The following RTKN2 variants were observed in gnomAD, a reference collection of about 807,000 sequenced individuals.
RTKN2 encodes the protein rhotekin-2.
In RTKN2, 69 loss-of-function variants were observed where a neutral mutation model predicts 71.5. The observed-to-expected ratio is 0.96, with a 90% confidence interval of 0.79 to 1.18. RTKN2 has a LOEUF of 1.18. Ranked by LOEUF, RTKN2 falls within the 50% of genes most tolerant of loss-of-function variation. The pLI is 0.00. For missense variants in RTKN2, 724 were observed against 719.7 expected, an observed-to-expected ratio of 1.01 and a Z score of -0.07; for synonymous variants, 236 against 236.5, an observed-to-expected ratio of 1.00 and a Z score of 0.02.
intron 6 of RTKN2, among the ~76,000 whole-genome samples, chr10:62,231,015 C>T (rs4979779): frequency 0.89 from 135,643 of 152,190 alleles, 60,563 homozygotes; most frequent in East Asian, 0.99. Context: ...CAAACTGTAT[C>T]ATCTGTCACA....
chr10:62,213,939 T>C (rs1841714683), intron 9 of RTKN2, among the ~76,000 whole-genome samples: 1 of 151,994 alleles, frequency 6.6e-6, no homozygotes, highest in East Asian at 1.9e-4. Flanking sequence ...TTGACTGGGA[T>C]AGTGCTTGAT....
At chr10:62,232,896 T>A (rs1380455682) in intron 6 of RTKN2, among the ~76,000 whole-genome samples, 2 of 149,932 alleles carry the variant, frequency 1.3e-5, no homozygotes, top group South Asian at 2.1e-4. Context: ...TTATGTATTA[T>A]TATTACAGAA....
chr10:62,222,233 T>C (rs1417302500), intron 7 of RTKN2, among the ~76,000 whole-genome samples: 3 of 151,984 alleles, frequency 2.0e-5, no homozygotes, highest in African/African-American at 7.2e-5. Flanking sequence ...CTCAGTATCC[T>C]GAGTAGCTGG....
chr10:62,223,281 A>G lies in RTKN2; in HGVS notation c.738T>C (p.Ala246=), dbSNP rs534927741. 1.2e-5 allele frequency: 19 copies of G among 1,611,104 alleles called. No homozygotes were observed. The highest frequency in any genetic ancestry group is 1.6e-5 in the Non-Finnish European group (19 of 1,177,418). ...GATTATGGGTCTTGAAACTATCCTC[A>G]GCACTTTCCAAGGTTAGGGTAGTGT... The part of the protein sequence containing the change: ...LAHTTLTLES[A]EDSFKTHNLS... The change falls in exon 7 of 12, where the codon GCT becomes GCC. Residue 246 remains alanine, a synonymous_variant. Transcript: ENST00000373789.
chr10:62,235,686 G>GTGTGTA (rs35595937), intron 6 of RTKN2, among the ~76,000 whole-genome samples: 95 of 151,078 alleles, frequency 6.3e-4, no homozygotes, highest in Non-Finnish European at 9.8e-4. Flanking sequence ...GTGTGTGTGT[G>GTGTGTA]TGTATACATG....
At chr10:62,263,998 T>C (rs1024437776) in intron 1 of RTKN2, among the ~76,000 whole-genome samples, 1 of 152,196 alleles carries the variant, frequency 6.6e-6, no homozygotes, top group African/African-American at 2.4e-5. Flanking sequence ...GTACTCTTTA[T>C]TATATCACAA....
At chr10:62,221,592 C>CACTT (rs10637134) in intron 7 of RTKN2, among the ~76,000 whole-genome samples, 135,257 of 151,894 alleles carry the variant, frequency 0.89, 60,341 homozygotes, top group East Asian at 1. Flanking sequence ...ACAATTTAAA[C>CACTT]ACATGCATCA....
At chr10:62,233,975 C>G (rs973147385) in intron 6 of RTKN2, among the ~76,000 whole-genome samples, 2 of 152,118 alleles carry the variant, frequency 1.3e-5, no homozygotes, top group African/African-American at 4.8e-5. Context: ...CAACATAAAA[C>G]TATTTGTGAA....
intron 9 of RTKN2, chr10:62,215,110 T>C: frequency 7.2e-7 from 1 of 1,390,086 alleles, no homozygotes; most frequent in Non-Finnish European, 9.9e-7. Flanking sequence ...ATATCATTTG[T>C]TTAGATTACA....
At chr10:62,200,014 C>A (rs555699326) in intron 10 of RTKN2, among the ~76,000 whole-genome samples, 153 bp from the exon 11 acceptor site, 148 of 152,070 alleles carry the variant, frequency 9.7e-4, no homozygotes, top group African/African-American at 3.4e-3. Context: ...GCAGAAAAAC[C>A]TAATACTATC....
At chr10:62,213,594 T>A (rs897834949) in intron 9 of RTKN2, among the ~76,000 whole-genome samples, 1 of 152,114 alleles carries the variant, frequency 6.6e-6, no homozygotes, top group Non-Finnish European at 1.5e-5. Flanking sequence ...GCTGTGATAA[T>A]GGTATTATGA....
intron 5 of RTKN2, chr10:62,238,992 A>G (rs1349813150): frequency 1.3e-5 from 2 of 152,044 alleles, no homozygotes; most frequent in Admixed American, 6.6e-5. Context: ...AGGAAAAACT[A>G]TGTTAGTTAA....
chr10:62,249,465 G>T (rs200631694), intron 2 of RTKN2, among the ~76,000 whole-genome samples: 1 of 151,394 alleles, frequency 6.6e-6, no homozygotes, highest in African/African-American at 2.4e-5. Context: ...TTTTGTGCGT[G>T]GGGGTGGGGG....
chr10:62,205,401 A>G (rs1841530301), intron 9 of RTKN2, among the ~76,000 whole-genome samples: 1 of 152,170 alleles, frequency 6.6e-6, no homozygotes, highest in African/African-American at 2.4e-5. Flanking sequence ...TGTAATGTGG[A>G]TTACATGTTA....
chr10:62,256,638 C>T (rs558302146), intron 2 of RTKN2, among the ~76,000 whole-genome samples: 4 of 151,014 alleles, frequency 2.6e-5, no homozygotes, highest in African/African-American at 9.7e-5. Flanking sequence ...GGTTCAACAA[C>T]AAAAAAGAAA....
At chr10:62,234,384 AC>A (rs1489234909) in intron 6 of RTKN2, among the ~76,000 whole-genome samples, 1 of 151,500 alleles carries the variant, frequency 6.6e-6, no homozygotes, top group African/African-American at 2.4e-5. Context: ...AAAATTAGCC[AC>A]CAGGCATGGT....
chr10:62,190,187 A>C (rs531499453), downstream of RTKN2, among the ~76,000 whole-genome samples: 92 of 152,310 alleles, frequency 6.0e-4, no homozygotes, highest in African/African-American at 2.1e-3. Context: ...GGAATACATC[A>C]AGTGACCACA....
chr10:62,216,971 C>A, intron 9 of RTKN2, 147 bp downstream of exon 9: 1 of 494,178 alleles, frequency 2.0e-6, no homozygotes, highest in Non-Finnish European at 3.3e-6. Flanking sequence ...AATAGAAAAA[C>A]AGAAACAGAT....
At chr10:62,250,877 C>A (rs1333029030) in intron 2 of RTKN2, among the ~76,000 whole-genome samples, 1 of 152,190 alleles carries the variant, frequency 6.6e-6, no homozygotes, top group East Asian at 1.9e-4. Context: ...GTGATCCACC[C>A]ACCTCGGCCT....
Sources: allele counts gnomAD v4.1 joint callset (sites outside exome capture counted in the v4.1 genomes callset), GRCh38; gene constraint gnomAD v4.1.1; transcripts MANE v1.5; gene names NCBI Gene and HGNC (gene_info 2026-07-23, HGNC 2026-07-21).